SPATC1L: variants seen among roughly 807,000 people sequenced by gnomAD.
SPATC1L encodes the protein spermatogenesis and centriole associated 1 like.
In SPATC1L, 20 loss-of-function variants were observed where a neutral mutation model predicts 21.2. The observed-to-expected ratio is 0.94, with a 90% CI of 0.66 to 1.37. The LOEUF is 1.37. SPATC1L is among the 40% of genes most tolerant of loss of function. The probability of loss-of-function intolerance (pLI) is 0.00; values close to 1 mark genes in which losing one functional copy is unlikely to be tolerated. For missense variants in SPATC1L, 499 were observed against 478.7 expected, an observed-to-expected ratio of 1.04 and a Z score of -0.40; for synonymous variants, 290 against 234.5, an observed-to-expected ratio of 1.24 and a Z score of -2.16.
chr21:46,173,249 G>A (rs2079607080), intron 2 of SPATC1L, among the ~76,000 whole-genome samples: 5 of 152,180 alleles, frequency 3.3e-5, no homozygotes, highest in Admixed American at 3.3e-4. Context: ...CCCCAGCCTG[G>A]CCATGCCTGC....
At position 46,168,566 on chromosome 21, in the gene SPATC1L, G is replaced by T; in HGVS notation, c.286C>A (p.Leu96Met). ...GGGGAGGTGTCGTCCTCGCTGGACA[G>T]GGGGGCATGTGAGCACAGCAGGTCC... ...LEDLLCSHAP[L>M]SSEDDTSPGC... The change falls in exon 3 of 5, where the codon CTG becomes ATG. Residue 96 changes from leucine to methionine, a missense_variant. By Grantham distance (15) the Leu-to-Met change is conservative. Coordinates refer to ENST00000291672, the MANE Select transcript of SPATC1L (RefSeq NM_001142854.2). The T allele has an allele frequency of 6.8e-7, 1 of 1,481,468 alleles. No individual in the cohort carries two copies. 91.8% of individuals were successfully genotyped at this position (1,481,468 alleles called of 1,614,324 possible).
intron 3 of SPATC1L, among the ~76,000 whole-genome samples, chr21:46,164,049 C>T (rs911958075): frequency 3.9e-5 from 6 of 151,944 alleles, no homozygotes; most frequent in Non-Finnish European, 8.8e-5. Flanking sequence ...GCTCTGTCAC[C>T]CAAGCTGGAG....
At position 46,182,826 on chromosome 21, in the gene SPATC1L, G is replaced by A. The variant is rs1157633759; in HGVS notation, c.-10C>T. The A allele has an allele frequency of 1.3e-5, 19 of 1,507,786 alleles. No homozygotes were observed. The highest frequency in any genetic ancestry group is 7.5e-5 in the East Asian group (3 of 39,780). 93.4% of individuals were successfully genotyped at this position (1,507,786 alleles called of 1,614,324 possible). A position where few individuals can be genotyped will look rare whatever the true frequency, so the allele number is the denominator to read the frequency against. On this transcript the variant is annotated 5_prime_UTR_variant, in exon 2 of 5. It adds an upstream start codon to the 5' untranslated region. Coordinates refer to ENST00000291672, the MANE Select transcript of SPATC1L (RefSeq NM_001142854.2). ...CGCCGCCTTCAGCCATGGCGGGTGCGTCCCTCCTTGTCCCTCACGGCTCCT... is the reference window on the plus strand; with the variant it reads ...CGCCGCCTTCAGCCATGGCGGGTGCATCCCTCCTTGTCCCTCACGGCTCCT...
rs1569006578 is a variant in SPATC1L at position 46,183,011 on chromosome 21, C to T, written c.-195G>A. 1.9e-5 allele frequency: 11 copies of T among 574,016 alleles called. No individual in the cohort carries two copies. Among genetic ancestry groups the T allele is most frequent in the Non-Finnish European group, 2.9e-5 (10 of 345,208 alleles). 35.6% of individuals were successfully genotyped at this position (574,016 alleles called of 1,614,324 possible). The stretch of plus-strand genomic sequence containing the variant: ...CTGCCCCCGCGATGGCTCATGGCCC[C>T]GTTGAGGCAGTGAAGCTGGAGGCCC... On this transcript the variant is annotated 5_prime_UTR_variant, in exon 2 of 5. Coordinates refer to ENST00000291672, the MANE Select transcript of SPATC1L (RefSeq NM_001142854.2).
At position 46,161,986 on chromosome 21, in the gene SPATC1L, G is replaced by C. The variant is rs777755079; in HGVS notation, c.626C>G (p.Ala209Gly). 1.2e-6 allele frequency: 2 copies of C among 1,606,606 alleles called. No homozygotes were observed. Among genetic ancestry groups the C allele is most frequent in the South Asian group, 2.2e-5 (2 of 90,416 alleles). ...CCGCGTCACGCCCGGGAACACGTAG[G>C]CCAGGATGCGGCGGTCCAGCTGGAA... is the stretch of plus-strand genomic sequence containing the variant. Reference protein sequence around the residue: ...IAFQLDRRILAYVFPGVTRLY... With the variant: ...IAFQLDRRILGYVFPGVTRLY... Residue 209 changes from alanine (A) to glycine (G), a missense_variant, in exon 4 of 5, where the codon GCC becomes GGC. Ala to Gly is a moderately conservative substitution (Grantham distance 60). Transcript: ENST00000291672.
At chr21:46,162,283 C>G (rs2079505223) in intron 3 of SPATC1L, among the ~76,000 whole-genome samples, 1 of 152,174 alleles carries the variant, frequency 6.6e-6, no homozygotes, top group South Asian at 2.1e-4. Flanking sequence ...CGGCTCCCTT[C>G]TGTCCCTTTG....
At chr21:46,181,318 C>G (rs1471933989) in intron 2 of SPATC1L, among the ~76,000 whole-genome samples, 2 of 152,158 alleles carry the variant, frequency 1.3e-5, no homozygotes, top group Non-Finnish European at 2.9e-5. Context: ...GGGCCTCGCA[C>G]AGCATGGCCC....
chr21:46,164,126 G>GCCT (rs1030272347), intron 3 of SPATC1L, among the ~76,000 whole-genome samples: 97 of 152,056 alleles, frequency 6.4e-4, no homozygotes, highest in African/African-American at 2.3e-3. Flanking sequence ...TCCCACCTCA[G>GCCT]CCTCCTGAAT....
At chr21:46,172,192 G>A (rs1015975723) in intron 2 of SPATC1L, among the ~76,000 whole-genome samples, 1 of 150,334 alleles carries the variant, frequency 6.7e-6, no homozygotes, top group Non-Finnish European at 1.5e-5. Context: ...TGAGGCGGAG[G>A]ATGCACAGAG....
At chr21:46,171,124 C>A (rs548644395) in intron 2 of SPATC1L, among the ~76,000 whole-genome samples, 2 of 152,354 alleles carry the variant, frequency 1.3e-5, no homozygotes, top group East Asian at 3.9e-4. Context: ...GGTCCATGCC[C>A]ACCAACACCT....
At chr21:46,170,573 G>A (rs11702377) in intron 2 of SPATC1L, among the ~76,000 whole-genome samples, 470 of 25,974 alleles carry the variant, frequency 0.018, no homozygotes, top group Admixed American at 0.032. Context: ...TGCTCTGTGA[G>A]CATCCTCTGT....
chr21:46,168,706 A>T, intron 2 of SPATC1L, 48 bp from the exon 3 acceptor site: 26 of 1,252,446 alleles, frequency 2.1e-5, no homozygotes, highest in Non-Finnish European at 2.7e-5. Context: ...TGCTCCTAAA[A>T]CATTCCTGGG....
At chr21:46,170,285 T>TC (rs780096242) in intron 2 of SPATC1L, among the ~76,000 whole-genome samples, 32 of 21,832 alleles carry the variant, frequency 1.5e-3, no homozygotes, top group Admixed American at 2.2e-3. Context: ...GGGAGGAGCC[T>TC]CCTGCTCTGT....
chr21:46,171,737 A>C (rs571081673), intron 2 of SPATC1L, among the ~76,000 whole-genome samples: 1 of 152,298 alleles, frequency 6.6e-6, no homozygotes, highest in South Asian at 2.1e-4. Context: ...AAGAAGGAAA[A>C]TCTAAAAGTT....
Position 46,168,524 on chromosome 21 carries a change from AG to A in SPATC1L, c.327del (p.Ser110ProfsTer28), listed in dbSNP as rs1347615559. 1.0e-5 allele frequency: 16 copies of A among 1,538,118 alleles called. No individual in the cohort carries two copies. The highest frequency in any genetic ancestry group is 1.4e-5 in the African/African-American group (1 of 72,724). On this transcript the variant is annotated frameshift_variant, in exon 3 of 5. Coordinates refer to ENST00000291672, the MANE Select transcript of SPATC1L (RefSeq NM_001142854.2). LOFTEE classifies it high-confidence loss of function. ...EDDTSPGCAA[P>X]SQAPFKAFLS... ...AGGAAGGCCTTGAAGGGTGCCTGGG[AG>A]GGGGCTGCACAGCCCGGGGAGGTGT...
intron 3 of SPATC1L, 40 bp downstream of exon 3, chr21:46,168,268 C>A: frequency 6.9e-7 from 1 of 1,458,810 alleles, no homozygotes; most frequent in Non-Finnish European, 9.3e-7. Context: ...TGCCAGCCTG[C>A]ACTGGGGGCC....
chr21:46,178,246 A>AAC (rs2079646670), intron 2 of SPATC1L, among the ~76,000 whole-genome samples: 2 of 151,642 alleles, frequency 1.3e-5, no homozygotes. Context: ...AAAAAAAAAA[A>AAC]AAAAAAAAAA....
chr21:46,174,784 A>T (rs2079620260), intron 2 of SPATC1L, among the ~76,000 whole-genome samples: 1 of 152,230 alleles, frequency 6.6e-6, no homozygotes, highest in South Asian at 2.1e-4. Flanking sequence ...TATTCAGGAC[A>T]TGAACTCAGC....
intron 2 of SPATC1L, among the ~76,000 whole-genome samples, chr21:46,174,331 TCAAAAAACAAAA>T (rs1569002339): frequency 7.3e-5 from 4 of 54,848 alleles, no homozygotes; most frequent in Admixed American, 2.3e-4. Flanking sequence ...AGACTCTGTC[TCAAAAAACAAAA>T]CAAAAAAAAA....
Sources: allele counts gnomAD v4.1 joint callset (sites outside exome capture counted in the v4.1 genomes callset), GRCh38; gene constraint gnomAD v4.1.1; transcripts MANE v1.5; gene names NCBI Gene and HGNC (gene_info 2026-07-23, HGNC 2026-07-21).